Variants in RELN observed in about 807,000 individuals in gnomAD.
RELN encodes reelin.
RELN carries 108 observed loss-of-function variants against 427.6 expected under a neutral mutation model. The ratio of observed to expected loss-of-function variants is 0.25; its 90% confidence interval spans 0.22 to 0.30. The LOEUF is 0.30. RELN is among the 10% of genes least tolerant of loss of function. RELN has a pLI of 1.00. For synonymous variants in RELN, 1,524 were observed against 1,513.4 expected, an observed-to-expected ratio of 1.01 and a Z score of -0.16; for missense variants, 3,715 against 4,302.8, an observed-to-expected ratio of 0.86 and a Z score of 3.82.
At chr7:103,912,892 TTCAAAG>T (rs1795401598) in intron 2 of RELN, among the ~76,000 whole-genome samples, 2 of 152,000 alleles carry the variant, frequency 1.3e-5, no homozygotes, top group South Asian at 4.2e-4. Flanking sequence ...TGAGCTGGAA[TTCAAAG>T]TCAAAGACAA....
chr7:103,528,117 C>CA (rs1157740096), intron 46 of RELN, among the ~76,000 whole-genome samples: 1 of 152,160 alleles, frequency 6.6e-6, no homozygotes, highest in Non-Finnish European at 1.5e-5. Flanking sequence ...CAGGAATGTC[C>CA]ACCACAGCAT....
intron 1 of RELN, among the ~76,000 whole-genome samples, chr7:103,985,181 G>A (rs1288108698): frequency 6.6e-6 from 1 of 152,030 alleles, no homozygotes; most frequent in African/African-American, 2.4e-5. Context: ...TAGATATACA[G>A]CATGAAAAAA....
chr7:103,520,995 A>G, intron 48 of RELN, among the ~76,000 whole-genome samples: 1 of 95,186 alleles, frequency 1.1e-5, no homozygotes, highest in African/African-American at 4.1e-5. Flanking sequence ...TTTGAGACGG[A>G]GTCTCGCTCT....
Position 103,811,162 on chromosome 7 carries a change from T to C in RELN, c.473+22375A>G, listed in dbSNP as rs193205215. Among the ~76,000 whole-genome samples the C allele has an allele frequency of 1.4e-4, 22 of 152,342 alleles. No homozygotes were observed. In the East Asian group the frequency reaches 3.3e-3, roughly 23 times the overall value. On this transcript the variant is annotated intron_variant, in intron 3 of 64. Transcript: ENST00000428762. ...AGGCATATACGAAAATTACAAATGA[T>C]GTAGCTGTTTGTTTATTATACTTCT...
chr7:103,513,216 A>T (rs1288868490), intron 50 of RELN: 5 of 151,994 alleles, frequency 3.3e-5, no homozygotes, highest in Non-Finnish European at 5.9e-5. Flanking sequence ...TAACTAACTC[A>T]CCCGTCTCTC....
chr7:103,581,611 A>G (rs1165133182), intron 28 of RELN, among the ~76,000 whole-genome samples: 1 of 152,110 alleles, frequency 6.6e-6, no homozygotes, highest in Non-Finnish European at 1.5e-5. Flanking sequence ...CTCCCACTTA[A>G]TCACACTTCC....
chr7:103,912,201 CT>C (rs71923959), intron 2 of RELN, among the ~76,000 whole-genome samples: 206 of 144,074 alleles, frequency 1.4e-3, no homozygotes, highest in Admixed American at 1.4e-3. Context: ...TCACTTTAAG[CT>C]TTTTTTTTTT....
chr7:103,845,335 C>A (rs1313506314), intron 2 of RELN, among the ~76,000 whole-genome samples: 1 of 152,124 alleles, frequency 6.6e-6, no homozygotes, highest in Non-Finnish European at 1.5e-5. Context: ...GCATGCGTCA[C>A]CACGCCTGGC....
chr7:103,924,555 T>A (rs1265066409), intron 1 of RELN, among the ~76,000 whole-genome samples: 1 of 152,066 alleles, frequency 6.6e-6, no homozygotes, highest in East Asian at 1.9e-4. Context: ...AGGACACCCA[T>A]CATATGCAAA....
chr7:103,849,684 G>T (rs1159066588), intron 2 of RELN, among the ~76,000 whole-genome samples: 2 of 152,132 alleles, frequency 1.3e-5, no homozygotes, highest in East Asian at 3.8e-4. Context: ...ACTGGAGTCA[G>T]TGAACTATGG....
intron 37 of RELN, 95 bp from the exon 38 acceptor site, chr7:103,557,254 G>C: frequency 9.6e-7 from 1 of 1,040,172 alleles, no homozygotes; most frequent in Non-Finnish European, 1.5e-6. Context: ...ATGCATAAGA[G>C]AACTTATGTT....
chr7:103,861,993 T>A (rs1263047926), intron 2 of RELN, among the ~76,000 whole-genome samples: 1 of 152,060 alleles, frequency 6.6e-6, no homozygotes, highest in Non-Finnish European at 1.5e-5. Flanking sequence ...AACATAGAAG[T>A]ATGCAAAAAT....
At chr7:103,728,077 A>C (rs572534154) in intron 7 of RELN, 34 bp downstream of exon 7, 6 of 1,599,876 alleles carry the variant, frequency 3.8e-6, no homozygotes, top group Non-Finnish European at 5.1e-6. Flanking sequence ...TAAATACTAT[A>C]ATGGAATAAT....
intron 2 of RELN, among the ~76,000 whole-genome samples, chr7:103,872,934 T>A: frequency 6.6e-6 from 1 of 151,348 alleles, no homozygotes; most frequent in African/African-American, 2.4e-5. Flanking sequence ...TGTAAATTTG[T>A]TTGAGTTCAT....
intron 5 of RELN, 73 bp from the exon 6 acceptor site, chr7:103,749,577 A>C: frequency 3.8e-6 from 4 of 1,054,384 alleles, no homozygotes; most frequent in Non-Finnish European, 6.0e-6. Flanking sequence ...AAGTGCCAAC[A>C]TGCTGTATTT....
At chr7:103,911,246 T>C (rs1042556650) in intron 2 of RELN, among the ~76,000 whole-genome samples, 14 of 146,864 alleles carry the variant, frequency 9.5e-5, no homozygotes, top group Admixed American at 6.1e-4. Flanking sequence ...AAAAAACACA[T>C]GAAAAAATGC....
chr7:103,478,678 TATAA>T (rs1266199245), intron 63 of RELN, among the ~76,000 whole-genome samples: 1 of 152,210 alleles, frequency 6.6e-6, no homozygotes, highest in Non-Finnish European at 1.5e-5. Flanking sequence ...AAATGTTGCA[TATAA>T]ATTATAAATA....
intron 28 of RELN, among the ~76,000 whole-genome samples, chr7:103,578,138 G>A (rs1304578173): frequency 6.6e-6 from 1 of 152,076 alleles, no homozygotes; most frequent in Non-Finnish European, 1.5e-5. Context: ...CTGATTCTTG[G>A]GCTCTTATAG....
At chr7:103,934,544 C>T (rs1795937860) in intron 1 of RELN, among the ~76,000 whole-genome samples, 1 of 152,178 alleles carries the variant, frequency 6.6e-6, no homozygotes, top group South Asian at 2.1e-4. Context: ...ATCACAACTT[C>T]CAAGGCTGAC....
Sources: gnomAD v4.1 joint callset for allele counts (sites outside exome capture counted in the v4.1 genomes callset) on GRCh38, gnomAD v4.1.1 for gene constraint, MANE v1.5 for transcripts, NCBI Gene and HGNC (gene_info 2026-07-23, HGNC 2026-07-21) for gene names.